The following SND1 variants were observed in gnomAD, a reference collection of about 807,000 sequenced individuals.
The protein encoded by SND1 is staphylococcal nuclease and tudor domain containing 1.
Under a neutral mutation model 121.7 loss-of-function variants are expected in SND1, and 38 were observed. The ratio of observed to expected loss-of-function variants is 0.31; its 90% CI spans 0.24 to 0.41. The LOEUF is 0.41. SND1 is among the 10% of genes least tolerant of loss of function. SND1 has a pLI of 1.00. For missense variants in SND1, 868 were observed against 1,184.6 expected (o/e 0.73, Z 3.92); for synonymous variants, 401 against 447.4 (o/e 0.90, Z 1.31).
At chr7:127,905,864 G>A (rs1800324697) in intron 14 of SND1, among the ~76,000 whole-genome samples, 1 of 152,138 alleles carries the variant, frequency 6.6e-6, no homozygotes, top group South Asian at 2.1e-4. Flanking sequence ...TTTGCCTTGG[G>A]CCCTGAGAAG....
chr7:127,891,190 A>G (rs993418344), intron 13 of SND1, among the ~76,000 whole-genome samples: 4 of 151,960 alleles, frequency 2.6e-5, no homozygotes, highest in African/African-American at 9.7e-5. Context: ...ATTAAAAAAG[A>G]TTTTCAGTGC....
At chr7:127,987,188 G>A (rs1584717925) in intron 15 of SND1, among the ~76,000 whole-genome samples, 1 of 152,220 alleles carries the variant, frequency 6.6e-6, no homozygotes, top group East Asian at 1.9e-4. Flanking sequence ...GGCCCTGTGT[G>A]GCTTGGGAGC....
intron 15 of SND1, among the ~76,000 whole-genome samples, chr7:127,984,561 A>G (rs1334985691): frequency 6.6e-6 from 1 of 152,128 alleles, no homozygotes; most frequent in Non-Finnish European, 1.5e-5. Context: ...TTTCAGAACT[A>G]TTTTTCACTA....
At chr7:127,948,986 T>TCA (rs1421381937) in intron 15 of SND1, 1 of 152,250 alleles carries the variant, frequency 6.6e-6, no homozygotes, top group Non-Finnish European at 1.5e-5. Flanking sequence ...TTCGCCCACT[T>TCA]CACACATGTG....
chr7:128,074,469 C>G lies in SND1; in HGVS notation c.1780-33C>G, dbSNP rs747972483. The G allele has an allele frequency of 5.7e-6, 9 of 1,580,530 alleles. No individual in the cohort carries two copies. The South Asian group carries it at 1.0e-4, about 18-fold the overall frequency. ...CAGCCCCTGCACACTCAGGCCTGGCCCCCACAGGCTTACGCCTGTCTCTCT... is the reference window on the plus strand; with the variant it reads ...CAGCCCCTGCACACTCAGGCCTGGCGCCCACAGGCTTACGCCTGTCTCTCT... On this transcript the variant is annotated intron_variant, in intron 16 of 23. Coordinates refer to ENST00000354725, the MANE Select transcript of SND1 (RefSeq NM_014390.4).
intron 15 of SND1, among the ~76,000 whole-genome samples, chr7:127,954,937 T>G (rs1801558432): frequency 6.6e-6 from 1 of 152,206 alleles, no homozygotes; most frequent in Non-Finnish European, 1.5e-5. Flanking sequence ...CAGCAGGTTC[T>G]CTTGCTGAGA....
At chr7:127,843,847 A>G (rs903139615) in intron 11 of SND1, among the ~76,000 whole-genome samples, 1 of 152,156 alleles carries the variant, frequency 6.6e-6, no homozygotes, top group Non-Finnish European at 1.5e-5. Flanking sequence ...TTGCATTCCT[A>G]CCATCAATGA....
At chr7:127,991,127 C>G in intron 16 of SND1, 71 bp downstream of exon 16, 1 of 1,046,648 alleles carries the variant, frequency 9.6e-7, no homozygotes, top group Middle Eastern at 2.1e-4. Flanking sequence ...TCTGCCATGT[C>G]AGAGATCAGT....
In SND1 at chr7:127,993,163, A is replaced by G. The variant is rs376663295; in HGVS notation, c.1779+2107A>G. ...CTATGAATAATTCAAAAATCTGACT[A>G]AAAGATCCAGTAATACCCTACTGTC... is the stretch of plus-strand genomic sequence containing the variant. On this transcript the variant is annotated intron_variant, in intron 16 of 23. Coordinates refer to ENST00000354725, the MANE Select transcript of SND1 (RefSeq NM_014390.4). 4.7e-4 allele frequency among the ~76,000 whole-genome samples: 72 copies of G among 152,374 alleles called. No individual in the cohort carries two copies. In the South Asian group the frequency reaches 6.8e-3, roughly 14 times the overall value.
intron 9 of SND1, among the ~76,000 whole-genome samples, chr7:127,717,458 TAAGTAC>T (rs1796411025): frequency 6.6e-6 from 1 of 152,192 alleles, no homozygotes; most frequent in African/African-American, 2.4e-5. Context: ...GATTTCCATG[TAAGTAC>T]ATCTTAAGAG....
chr7:127,863,549 A>G (rs148450534), intron 12 of SND1, among the ~76,000 whole-genome samples: 4 of 152,364 alleles, frequency 2.6e-5, no homozygotes, highest in African/African-American at 7.2e-5. Flanking sequence ...GAACATATGA[A>G]TTAACCAGTG....
chr7:127,784,912 C>CTTGTT lies in SND1; in HGVS notation c.1153-22554_1153-22550dup, dbSNP rs547138789. Among the ~76,000 whole-genome samples, 461 of 152,194 alleles carry CTTGTT rather than the reference C, an allele frequency of 3.0e-3. 5 individuals are homozygous for CTTGTT. Among genetic ancestry groups the CTTGTT allele is most frequent in the Admixed American group, 0.026 (390 of 15,272 alleles). On this transcript the variant is annotated intron_variant, in intron 10 of 23. Transcript: ENST00000354725. ...GGGCTGGCTTAAAGGAATGTTTTTT[C>CTTGTT]TTGTTTTGTTTTGTTTTGTTTTTTG...
At chr7:128,038,792 C>T (rs761961021) in intron 16 of SND1, among the ~76,000 whole-genome samples, 1 of 152,032 alleles carries the variant, frequency 6.6e-6, no homozygotes, top group Non-Finnish European at 1.5e-5. Flanking sequence ...TAATATCTTA[C>T]ATAACCACAG....
At chr7:127,802,154 T>G (rs1178651326) in intron 10 of SND1, among the ~76,000 whole-genome samples, 1 of 152,060 alleles carries the variant, frequency 6.6e-6, no homozygotes, top group African/African-American at 2.4e-5. Context: ...TCTAGAACTT[T>G]TTACTCCCCC....
At chr7:127,976,645 C>T (rs1174023268) in intron 15 of SND1, among the ~76,000 whole-genome samples, 1 of 152,216 alleles carries the variant, frequency 6.6e-6, no homozygotes, top group African/African-American at 2.4e-5. Flanking sequence ...CCTTTTCTTT[C>T]CCTCAGGTCT....
chr7:128,055,007 G>T (rs558763559), intron 16 of SND1, among the ~76,000 whole-genome samples: 1 of 152,334 alleles, frequency 6.6e-6, no homozygotes, highest in Non-Finnish European at 1.5e-5. Context: ...ATGGATATCT[G>T]CCCGATCTAT....
intron 10 of SND1, among the ~76,000 whole-genome samples, chr7:127,767,611 GAGGTTCTAATAACTCTT>G (rs1797444620): frequency 6.6e-6 from 1 of 152,180 alleles, no homozygotes; most frequent in African/African-American, 2.4e-5. Context: ...CTCTGCTAAT[GAGGTTCTAATAACTCTT>G]AGGTTCTAAT....
At chr7:128,043,861 TA>T (rs1792900121) in intron 16 of SND1, among the ~76,000 whole-genome samples, 1 of 48,920 alleles carries the variant, frequency 2.0e-5, no homozygotes, top group Non-Finnish European at 3.6e-5. Context: ...TATATACACA[TA>T]TACACACACA....
intron 10 of SND1, among the ~76,000 whole-genome samples, chr7:127,799,409 G>T (rs1390809148): frequency 6.6e-6 from 1 of 152,146 alleles, no homozygotes; most frequent in African/African-American, 2.4e-5. Flanking sequence ...ATTTGATAGG[G>T]TTATCTGTAA....
Sources: allele counts gnomAD v4.1 joint callset (sites outside exome capture counted in the v4.1 genomes callset), GRCh38; gene constraint gnomAD v4.1.1; transcripts MANE v1.5; gene names NCBI Gene and HGNC (gene_info 2026-07-23, HGNC 2026-07-21).